Variants in GRID2 observed in about 807,000 individuals in gnomAD.
The protein encoded by GRID2 is glutamate receptor ionotropic, delta-2.
In GRID2, 33 loss-of-function variants were observed where a neutral mutation model predicts 114.8. The observed-to-expected ratio is 0.29, with a 90% confidence interval of 0.22 to 0.38. The LOEUF (loss-of-function observed/expected upper bound fraction) is 0.38, where lower values mean the gene tolerates loss of function less well. Among genes scored for constraint, GRID2 ranks in the 10% least tolerant of loss-of-function variants. GRID2 has a pLI of 1.00. For missense variants in GRID2, 1,184 were observed against 1,257.7 expected (o/e 0.94, Z 0.89); for synonymous variants, 505 against 449.9 (o/e 1.12, Z -1.55).
chr4:92,613,009 G>C (rs1329040468), intron 2 of GRID2, among the ~76,000 whole-genome samples: 2 of 151,282 alleles, frequency 1.3e-5, no homozygotes, highest in Admixed American at 6.6e-5. Context: ...TCTAATATTA[G>C]GTAGCAAGCA....
intron 2 of GRID2, among the ~76,000 whole-genome samples, chr4:92,718,337 G>A (rs568664715): frequency 1.9e-3 from 282 of 152,134 alleles, no homozygotes; most frequent in Admixed American, 5.9e-3. Context: ...TGTTTACATG[G>A]TGTTTTGCCA....
chr4:93,368,150 TA>T (rs2149286355), intron 8 of GRID2, among the ~76,000 whole-genome samples: 1 of 152,292 alleles, frequency 6.6e-6, no homozygotes, highest in East Asian at 1.9e-4. Context: ...AACATCATTT[TA>T]ATCCAGTTAG....
At chr4:92,425,537 GTGCTGTTTAGGACACA>G (rs1732114992) in intron 1 of GRID2, among the ~76,000 whole-genome samples, 1 of 152,050 alleles carries the variant, frequency 6.6e-6, no homozygotes, top group Non-Finnish European at 1.5e-5. Context: ...GTTGAAAAGG[GTGCTGTTTAGGACACA>G]TAGTAGCAAA....
Position 93,485,106 on chromosome 4 carries a change from T to C in GRID2, c.1859-5533T>C, listed in dbSNP as rs559136270. Among the ~76,000 whole-genome samples, 149 of 152,020 alleles carry C rather than the reference T, an allele frequency of 9.8e-4. 1 individual carries two copies. Among genetic ancestry groups the C allele is most frequent in the Middle Eastern group, 6.8e-3 (2 of 294 alleles). On this transcript the variant is annotated intron_variant, in intron 11 of 15. Transcript: ENST00000282020. ...CTTGCTATTGTAAATCTTTTTATTT[T>C]AATCATTCTGGTGGCTGTGGAGTGG...
chr4:93,216,811 T>C lies in GRID2; in HGVS notation c.863T>C (p.Phe288Ser). The C allele has an allele frequency of 1.2e-6, 2 of 1,612,610 alleles. No homozygotes were observed. Among genetic ancestry groups the C allele is most frequent in the Non-Finnish European group, 1.7e-6 (2 of 1,178,726 alleles). ...IGRLTIIRQTFPVPQNISQRC... is the reference protein window; with the variant it reads ...IGRLTIIRQTSPVPQNISQRC... ...AGGTTAACGATTATTCGGCAGACATTTCCAGTTCCCCAGAACATAAGTCAG... is the reference window on the plus strand; with the variant it reads ...AGGTTAACGATTATTCGGCAGACATCTCCAGTTCCCCAGAACATAAGTCAG... Residue 288 changes from phenylalanine (F) to serine (S), a missense_variant, in exon 6 of 16, where the codon TTT becomes TCT. By Grantham distance (155) the Phe-to-Ser change is radical. Coordinates refer to ENST00000282020, the MANE Select transcript of GRID2 (RefSeq NM_001510.4).
chr4:93,651,336 G>A (rs1013271355), intron 14 of GRID2, among the ~76,000 whole-genome samples: 21 of 152,124 alleles, frequency 1.4e-4, no homozygotes, highest in Non-Finnish European at 3.1e-4. Context: ...CGATAACATA[G>A]GATTTAAAAT....
intron 1 of GRID2, among the ~76,000 whole-genome samples, chr4:92,340,912 T>C (rs1281733769): frequency 1.3e-5 from 2 of 152,082 alleles, no homozygotes; most frequent in African/African-American, 2.4e-5. Flanking sequence ...CAGACAACAG[T>C]ATGGGTCAAG....
intron 2 of GRID2, among the ~76,000 whole-genome samples, chr4:92,624,737 CA>C (rs1288793295): frequency 2.0e-5 from 3 of 151,620 alleles, no homozygotes; most frequent in African/African-American, 7.3e-5. Flanking sequence ...CTCTTGTTTT[CA>C]GCAATAATAG....
chr4:92,464,087 T>A (rs1721628881), intron 1 of GRID2, among the ~76,000 whole-genome samples: 1 of 152,052 alleles, frequency 6.6e-6, no homozygotes, highest in East Asian at 1.9e-4. Flanking sequence ...TTTTCTAAAT[T>A]GTAGAGCATG....
At chr4:93,736,684 A>C (rs1730947972) in intron 14 of GRID2, among the ~76,000 whole-genome samples, 1 of 151,940 alleles carries the variant, frequency 6.6e-6, no homozygotes, top group African/African-American at 2.4e-5. Context: ...ATAATAAGTC[A>C]ATTATTATTT....
At chr4:92,500,656 G>C (rs1412936895) in intron 1 of GRID2, among the ~76,000 whole-genome samples, 2 of 152,108 alleles carry the variant, frequency 1.3e-5, no homozygotes, top group African/African-American at 4.8e-5. Flanking sequence ...CCTGAAATTG[G>C]TGGGCTGTCT....
At chr4:93,075,775 A>T (rs1338834937) in intron 2 of GRID2, among the ~76,000 whole-genome samples, 1 of 152,062 alleles carries the variant, frequency 6.6e-6, no homozygotes, top group Non-Finnish European at 1.5e-5. Context: ...ACTGAATACT[A>T]CAAAATATTG....
intron 2 of GRID2, among the ~76,000 whole-genome samples, chr4:92,612,906 C>T (rs1729825800): frequency 1.3e-5 from 2 of 151,148 alleles, no homozygotes; most frequent in Non-Finnish European, 1.5e-5. Context: ...AATCTAGATG[C>T]CTTTTCTTTC....
intron 2 of GRID2, among the ~76,000 whole-genome samples, chr4:92,592,311 T>A (rs1338775551): frequency 2.0e-5 from 3 of 152,016 alleles, no homozygotes; most frequent in Non-Finnish European, 4.4e-5. Flanking sequence ...TACCTATGCT[T>A]TTTAAAAATT....
At chr4:92,446,446 C>T (rs578152048) in intron 1 of GRID2, among the ~76,000 whole-genome samples, 2 of 137,310 alleles carry the variant, frequency 1.5e-5, no homozygotes, top group East Asian at 4.6e-4. Context: ...TATCTTTATT[C>T]AACATTTACT....
chr4:93,268,560 G>A (rs938556753), intron 8 of GRID2, among the ~76,000 whole-genome samples: 18 of 152,032 alleles, frequency 1.2e-4, no homozygotes, highest in African/African-American at 4.1e-4. Context: ...AGGTCAAATG[G>A]GGCCTCCCAC....
rs1003207975 is a variant in GRID2, at chr4:93,466,265, T to C, written c.1858+10291T>C. Reference sequence around the variant, plus strand: ...TGATGATGATGCTGAAATTTCATTTTTTATTTTGATATTCTCATAGTATTG... The same window carrying C: ...TGATGATGATGCTGAAATTTCATTTCTTATTTTGATATTCTCATAGTATTG... On this transcript the variant is annotated intron_variant, in intron 11 of 15. Transcript: ENST00000282020. Among the ~76,000 whole-genome samples, 10 of 152,320 alleles carry C rather than the reference T, an allele frequency of 6.6e-5. No homozygotes were observed. The South Asian group carries it at 1.9e-3, about 28-fold the overall frequency.
At chr4:93,312,409 G>A (rs879620281) in intron 8 of GRID2, among the ~76,000 whole-genome samples, 16 of 152,128 alleles carry the variant, frequency 1.1e-4, no homozygotes, top group Non-Finnish European at 2.2e-4. Context: ...GACATAGCTG[G>A]CATATACAGG....
At chr4:93,633,345 A>C (rs1294601045) in intron 14 of GRID2, among the ~76,000 whole-genome samples, 3 of 152,004 alleles carry the variant, frequency 2.0e-5, no homozygotes, top group East Asian at 3.9e-4. Context: ...AAAATTATTC[A>C]AAAAGAGAAC....
Sources: gnomAD v4.1 joint callset for allele counts (sites outside exome capture counted in the v4.1 genomes callset) on GRCh38, gnomAD v4.1.1 for gene constraint, MANE v1.5 for transcripts, NCBI Gene and HGNC (gene_info 2026-07-23, HGNC 2026-07-21) for gene names.